DDX10: variants seen among roughly 807,000 people sequenced by gnomAD.
DDX10 encodes the protein probable ATP-dependent RNA helicase DDX10.
In DDX10, 74 loss-of-function variants were observed where a neutral mutation model predicts 104.3. The ratio of observed to expected loss-of-function variants is 0.71; its 90% CI spans 0.59 to 0.86. The LOEUF is 0.86. Among genes scored for constraint, DDX10 ranks in the 40% least tolerant of loss-of-function variants. The pLI is 0.00. For synonymous variants in DDX10, 351 were observed against 353.4 expected, an observed-to-expected ratio of 0.99 and a Z score of 0.08; for missense variants, 952 against 1,040.0, an observed-to-expected ratio of 0.92 and a Z score of 1.16.
chr11:108,897,266 T>C (rs41422546), intron 16 of DDX10, among the ~76,000 whole-genome samples: 2,628 of 152,206 alleles, frequency 0.017, 89 homozygotes, highest in African/African-American at 0.06. Context: ...TGTTTTTGCT[T>C]GGCAATATTC....
At chr11:108,684,065 T>A (rs552925174) in intron 6 of DDX10, among the ~76,000 whole-genome samples, 1 of 151,766 alleles carries the variant, frequency 6.6e-6, no homozygotes, top group African/African-American at 2.4e-5. Context: ...ATTATCTTGA[T>A]TCTTCAGATG....
At chr11:108,685,156 G>C (rs1372101113) in intron 6 of DDX10, among the ~76,000 whole-genome samples, 3 of 151,686 alleles carry the variant, frequency 2.0e-5, no homozygotes, top group Non-Finnish European at 2.9e-5. Context: ...TAGGTTGCCT[G>C]TTCACTCTGA....
At position 108,822,904 on chromosome 11, in the gene DDX10, G is replaced by A. The variant is rs535228300; in HGVS notation, c.1966-15542G>A. ...AGATACTATTATATATTGCTTCTCG[G>A]CTATTTGGCTAAGATGAAATATAAG... On this transcript the variant is annotated intron_variant, in intron 13 of 17. Transcript: ENST00000322536. Among the ~76,000 whole-genome samples, 13 of 152,258 alleles carry A rather than the reference G, an allele frequency of 8.5e-5. No homozygotes were observed. In the South Asian group the frequency reaches 2.7e-3, roughly 32 times the overall value.
At position 108,841,312 on chromosome 11, in the gene DDX10, T is replaced by C. The variant is rs183470626; in HGVS notation, c.2086-3T>C. 1 of 1,611,404 alleles carries C rather than the reference T, an allele frequency of 6.2e-7. No homozygotes were observed. Among genetic ancestry groups the C allele is most frequent in the Admixed American group, 1.7e-5 (1 of 59,872 alleles). Reference sequence around the variant, plus strand: ...TTGACACTGACCTTTTTTTTACCTGTAGTTGGTTCAGCAGTGGCCACAAAT... The same window carrying C: ...TTGACACTGACCTTTTTTTTACCTGCAGTTGGTTCAGCAGTGGCCACAAAT... On this transcript the variant is annotated splice_region_variant and splice_polypyrimidine_tract_variant and intron_variant, in intron 14 of 17. Coordinates refer to ENST00000322536, the MANE Select transcript of DDX10 (RefSeq NM_004398.4).
chr11:108,805,956 A>ATTTAT (rs1282563267), intron 13 of DDX10, among the ~76,000 whole-genome samples: 1 of 152,012 alleles, frequency 6.6e-6, no homozygotes, highest in African/African-American at 2.4e-5. Flanking sequence ...TTTTTTTAAA[A>ATTTAT]TTTATTTTAT....
intron 10 of DDX10, among the ~76,000 whole-genome samples, chr11:108,710,191 A>G (rs908634718): frequency 6.6e-6 from 1 of 152,078 alleles, no homozygotes; most frequent in Admixed American, 6.5e-5. Context: ...TGAGTGGTGC[A>G]TGAATGTGAA....
chr11:108,728,501 G>GTTTT (rs1565260503), intron 13 of DDX10, among the ~76,000 whole-genome samples: 2 of 66,918 alleles, frequency 3.0e-5, no homozygotes, highest in African/African-American at 1.6e-4. Context: ...ATACACATTT[G>GTTTT]TTCTTTTTTT....
In DDX10 at chr11:108,826,615, A is replaced by G. The variant is rs577659825; in HGVS notation, c.1966-11831A>G. Among the ~76,000 whole-genome samples the G allele has an allele frequency of 7.9e-5, 12 of 152,270 alleles. No individual in the cohort carries two copies. In the South Asian group the frequency reaches 2.3e-3, roughly 29 times the overall value. Reference sequence around the variant, plus strand: ...CAGATAGGAGTAGAAACTGTAACCAACTTCTTCGCATCTTGCAGTCACATG... The same window carrying G: ...CAGATAGGAGTAGAAACTGTAACCAGCTTCTTCGCATCTTGCAGTCACATG... On this transcript the variant is annotated intron_variant, in intron 13 of 17. Transcript: ENST00000322536.
chr11:108,773,131 G>A (rs1032587248), intron 13 of DDX10, among the ~76,000 whole-genome samples: 7 of 152,154 alleles, frequency 4.6e-5, no homozygotes, highest in Non-Finnish European at 1.0e-4. Flanking sequence ...ATGTAGCAGA[G>A]TTCCTTTTAT....
intron 13 of DDX10, among the ~76,000 whole-genome samples, chr11:108,771,201 T>C (rs1351313163): frequency 6.6e-6 from 1 of 152,178 alleles, no homozygotes. Flanking sequence ...ATCAGATTAT[T>C]AGATTTTTTT....
At chr11:108,700,968 A>G (rs1412341836) in intron 9 of DDX10, among the ~76,000 whole-genome samples, 1 of 152,054 alleles carries the variant, frequency 6.6e-6, no homozygotes, top group African/African-American at 2.4e-5. Flanking sequence ...TCAGTGCTAG[A>G]AGCTTTCCAT....
chr11:108,770,262 C>G (rs549108983), intron 13 of DDX10, among the ~76,000 whole-genome samples: 16 of 152,242 alleles, frequency 1.1e-4, no homozygotes, highest in African/African-American at 3.9e-4. Context: ...TATCTAGCCC[C>G]TGAAGCATTT....
chr11:108,835,072 T>C (rs1318258630), intron 13 of DDX10, among the ~76,000 whole-genome samples: 1 of 152,108 alleles, frequency 6.6e-6, no homozygotes, highest in Non-Finnish European at 1.5e-5. Flanking sequence ...GTAGGAATAC[T>C]GACGAGGCTG....
chr11:108,917,838 C>G (rs184546796), intron 16 of DDX10, 35 bp from the exon 17 acceptor site: 129 of 1,603,350 alleles, frequency 8.0e-5, no homozygotes, highest in Non-Finnish European at 1.4e-5. Context: ...CAACTGACTT[C>G]TTCAACTGCA....
intron 16 of DDX10, among the ~76,000 whole-genome samples, chr11:108,868,716 T>C (rs1863039900): frequency 2.0e-5 from 3 of 152,122 alleles, no homozygotes; most frequent in African/African-American, 7.2e-5. Flanking sequence ...TTCTCTGATA[T>C]GGGCAACAAA....
chr11:108,733,667 T>A (rs979869537), intron 13 of DDX10, among the ~76,000 whole-genome samples: 16 of 152,168 alleles, frequency 1.1e-4, no homozygotes, highest in African/African-American at 3.9e-4. Context: ...CCGTCATTTC[T>A]ACATTTAGTG....
Position 108,841,408 on chromosome 11 carries a change from G to T in DDX10, c.2179G>T (p.Glu727Ter). The change falls in exon 15 of 18, where the codon GAA (glutamate) becomes TAA (stop). Residue 727 changes from glutamate (E) to a stop codon, truncating the protein, a stop_gained. Coordinates refer to ENST00000322536, the MANE Select transcript of DDX10 (RefSeq NM_004398.4). LOFTEE classifies it high-confidence loss of function. ...TGGINLHKAK[E>*]RLQEEDKFDK... ...TGGTATCAACTTACATAAAGCAAAG[G>T]AAAGACTTCAGGAAGAGGACAAATT... 1 of 1,613,870 alleles carries T rather than the reference G, an allele frequency of 6.2e-7. No homozygotes were observed. Among genetic ancestry groups the T allele is most frequent in the Non-Finnish European group, 8.5e-7 (1 of 1,179,874 alleles).
intron 10 of DDX10, among the ~76,000 whole-genome samples, chr11:108,708,638 G>T (rs941750715): frequency 1.2e-4 from 18 of 151,016 alleles, no homozygotes; most frequent in Non-Finnish European, 2.5e-4. Flanking sequence ...TGCAATCTTG[G>T]CTCACTGGAA....
chr11:108,862,205 A>G (rs74372283), intron 16 of DDX10, among the ~76,000 whole-genome samples: 9,987 of 152,068 alleles, frequency 0.066, 1,007 homozygotes, highest in African/African-American at 0.21. Flanking sequence ...TTTATTTTTG[A>G]TAGAAACAGG....
Sources: gnomAD v4.1 joint callset for allele counts (sites outside exome capture counted in the v4.1 genomes callset) on GRCh38, gnomAD v4.1.1 for gene constraint, MANE v1.5 for transcripts, NCBI Gene and HGNC (gene_info 2026-07-23, HGNC 2026-07-21) for gene names.